The following SMARCD3 variants were observed in gnomAD, a reference collection of about 807,000 sequenced individuals.
SMARCD3 encodes SWI/SNF related BAF chromatin remodeling complex subunit D3.
Under a neutral mutation model 58.0 loss-of-function variants are expected in SMARCD3, and 14 were observed. That is an observed-to-expected ratio of 0.24 (90% CI 0.16 to 0.38). The LOEUF (loss-of-function observed/expected upper bound fraction) is 0.38, where lower values mean the gene tolerates loss of function less well. Among genes scored for constraint, SMARCD3 ranks in the 10% least tolerant of loss-of-function variants. The pLI, the probability that SMARCD3 is intolerant of heterozygous loss-of-function variation, is 1.00. For synonymous variants in SMARCD3, 253 were observed against 253.8 expected (o/e 1.00, Z 0.03); for missense variants, 408 against 636.9 (o/e 0.64, Z 3.87).
rs775533873 is a variant in SMARCD3, at chr7:151,242,562, G to A, written c.498C>T (p.Asn166=). 1.9e-6 allele frequency: 3 copies of A among 1,614,130 alleles called. No individual in the cohort carries two copies. The highest frequency in any genetic ancestry group is 2.2e-5 in the South Asian group (2 of 91,080). ...KLRLYISNTF[N]PAKPDAEDSD... ...AATCCTCAGCATCAGGCTTCGCAGG[G>A]TTAAAAGTGTTGGAGATATAGAGTC... Residue 166 remains asparagine, a synonymous_variant, in exon 5 of 13, where the codon AAC becomes AAT. Coordinates refer to ENST00000262188, the MANE Select transcript of SMARCD3 (RefSeq NM_001003801.2). The surrounding 1 kb of genome is among the most constrained non-coding windows in gnomAD (Gnocchi z 4.7).
Position 151,242,765 on chromosome 7 carries a change from G to C in SMARCD3, c.412C>G (p.Arg138Gly). Residue 138 changes from arginine to glycine, a missense_variant, in exon 4 of 13, where the codon CGG becomes GGG. By Grantham distance (125) the Arg-to-Gly change is moderately radical. This residue lies in a region of SMARCD3 where 128 missense variants were observed against 188.8 expected (regional missense o/e 0.68). Coordinates refer to ENST00000262188, the MANE Select transcript of SMARCD3 (RefSeq NM_001003801.2). The surrounding 1 kb of genome is among the most constrained non-coding windows in gnomAD (Gnocchi z 4.7). ...GCCTCCTGGATGTCCACCCGCTTCCGCATGATGGTTTGATCCAGTTTCCTC... is the reference window on the plus strand; with the variant it reads ...GCCTCCTGGATGTCCACCCGCTTCCCCATGATGGTTTGATCCAGTTTCCTC... ...FERKLDQTIM[R>G]KRVDIQEALK... 1 of 1,614,060 alleles carries C rather than the reference G, an allele frequency of 6.2e-7. No homozygotes were observed. Among genetic ancestry groups the C allele is most frequent in the Non-Finnish European group, 8.5e-7 (1 of 1,179,982 alleles).
chr7:151,247,512 G>T (rs1350141413), intron 1 of SMARCD3, among the ~76,000 whole-genome samples: 1 of 152,056 alleles, frequency 6.6e-6, no homozygotes, highest in African/African-American at 2.4e-5. Flanking sequence ...AGCTGTGCCC[G>T]CCACCAGCCC....
intron 2 of SMARCD3, among the ~76,000 whole-genome samples, chr7:151,255,583 C>T (rs1803673171): frequency 6.6e-6 from 1 of 152,188 alleles, no homozygotes; most frequent in South Asian, 2.1e-4. Context: ...CAGCGATCCT[C>T]CCTGTTCCCT....
chr7:151,273,909 C>T (rs185281032), intron 2 of SMARCD3, among the ~76,000 whole-genome samples: 1,671 of 152,334 alleles, frequency 0.011, 16 homozygotes, highest in Non-Finnish European at 0.016. Flanking sequence ...TGAAGGGGAA[C>T]GGGGCTGTCC....
At chr7:151,263,682 C>T (rs1240556985) in intron 2 of SMARCD3, among the ~76,000 whole-genome samples, 2 of 152,184 alleles carry the variant, frequency 1.3e-5, no homozygotes, top group Non-Finnish European at 1.5e-5. Flanking sequence ...TCTCTCAGGC[C>T]CACTGGTCTC....
Position 151,238,824 on chromosome 7 carries a change from T to G in SMARCD3, c.*279A>C. On this transcript the variant is annotated 3_prime_UTR_variant, in exon 13 of 13. Transcript: ENST00000262188. ...TTATTAAACATGTCTTCTGCCAAAC[T>G]GTTTTTAGGTCTAGGGAAAATTGAG... 6.6e-7 allele frequency: 1 copy of G among 1,525,858 alleles called. No homozygotes were observed. The highest frequency in any genetic ancestry group is 8.8e-7 in the Non-Finnish European group (1 of 1,136,466). The allele number at this position is 1,525,858 out of a possible 1,614,324, so 94.5% of individuals were successfully genotyped here.
In SMARCD3 at chr7:151,246,608, A is replaced by G. The variant is rs1803279256; in HGVS notation, c.79-937T>C. On this transcript the variant is annotated intron_variant, in intron 1 of 12. Transcript: ENST00000262188. The surrounding 1 kb of genome is among the most constrained non-coding windows in gnomAD (Gnocchi z 4.4). ...TCAGCAGCCACCTCCTCCTCTTCCC[A>G]TCCCCACCCCAGTGAGGTCAGCAGT... Among the ~76,000 whole-genome samples, 1 of 151,986 alleles carries G rather than the reference A, an allele frequency of 6.6e-6. No individual in the cohort carries two copies. Among genetic ancestry groups the G allele is most frequent in the African/African-American group, 2.4e-5 (1 of 41,388 alleles).
chr7:151,252,492 A>G (rs1387154963), upstream of SMARCD3, among the ~76,000 whole-genome samples: 3 of 151,094 alleles, frequency 2.0e-5, no homozygotes, highest in Non-Finnish European at 4.4e-5. Flanking sequence ...GAGAGAAAGA[A>G]AGAGAGAGGG....
chr7:151,277,111 G>T (rs1415471679), upstream of SMARCD3: 1 of 150,392 alleles, frequency 6.6e-6, no homozygotes, highest in African/African-American at 2.4e-5. Flanking sequence ...GAGCGCGGCC[G>T]CCCGCTCCCT....
At position 151,246,874 on chromosome 7, in the gene SMARCD3, G is replaced by A. The variant is rs1484661980; in HGVS notation, c.79-1203C>T. On this transcript the variant is annotated intron_variant, in intron 1 of 12. Coordinates refer to ENST00000262188, the MANE Select transcript of SMARCD3 (RefSeq NM_001003801.2). The surrounding 1 kb of genome is among the most constrained non-coding windows in gnomAD (Gnocchi z 4.4). Reference sequence around the variant, plus strand: ...CCACGAAAGCAGGAAGAAGATCAGAGGGCAGGGGATGCAGACCCTGGCACT... The same window carrying A: ...CCACGAAAGCAGGAAGAAGATCAGAAGGCAGGGGATGCAGACCCTGGCACT... Among the ~76,000 whole-genome samples, 1 of 152,094 alleles carries A rather than the reference G, an allele frequency of 6.6e-6. No individual in the cohort carries two copies. The highest frequency in any genetic ancestry group is 6.5e-5 in the Admixed American group (1 of 15,268).
At chr7:151,260,315 TA>T (rs1803875480) in intron 2 of SMARCD3, among the ~76,000 whole-genome samples, 1 of 152,156 alleles carries the variant, frequency 6.6e-6, no homozygotes, top group Non-Finnish European at 1.5e-5. Context: ...CCTGCAGAGC[TA>T]AGCTGAATTA....
intron 2 of SMARCD3, among the ~76,000 whole-genome samples, chr7:151,266,038 C>T (rs1804068607): frequency 6.6e-6 from 1 of 152,110 alleles, no homozygotes; most frequent in African/African-American, 2.4e-5. Context: ...GGCGTGATCT[C>T]GGCTCACGGC....
In SMARCD3 at chr7:151,242,756, C is replaced by T; in HGVS notation, c.421G>A (p.Val141Met). 2 of 1,614,120 alleles carry T rather than the reference C, an allele frequency of 1.2e-6. No homozygotes were observed. Among genetic ancestry groups the T allele is most frequent in the Non-Finnish European group, 1.7e-6 (2 of 1,180,014 alleles). ...CTCTTCAGAGCCTCCTGGATGTCCACCCGCTTCCGCATGATGGTTTGATCC... is the reference window on the plus strand; with the variant it reads ...CTCTTCAGAGCCTCCTGGATGTCCATCCGCTTCCGCATGATGGTTTGATCC... ...KLDQTIMRKR[V>M]DIQEALKRPM... The change falls in exon 4 of 13, where the codon GTG (valine) becomes ATG (methionine). Residue 141 changes from valine to methionine, a missense_variant. This residue lies in a region of SMARCD3 where 128 missense variants were observed against 188.8 expected (regional missense o/e 0.68). Coordinates refer to ENST00000262188, the MANE Select transcript of SMARCD3 (RefSeq NM_001003801.2). This position sits in a 1 kb window ranked among gnomAD's most constrained non-coding sequence, Gnocchi z 4.7.
chr7:151,270,146 C>A (rs897844645), intron 2 of SMARCD3, among the ~76,000 whole-genome samples: 1 of 152,138 alleles, frequency 6.6e-6, no homozygotes, highest in African/African-American at 2.4e-5. Context: ...AAAAGGCAAA[C>A]CCAAGGTCAG....
At position 151,241,588 on chromosome 7, in the gene SMARCD3, T is replaced by C; in HGVS notation, c.843A>G (p.Ser281=). 6.2e-7 allele frequency: 1 copy of C among 1,611,340 alleles called. No homozygotes were observed. The highest frequency in any genetic ancestry group is 8.5e-7 in the Non-Finnish European group (1 of 1,178,760). ...ACTGCCACAGGGCCTGGACAATGGC[T>C]GAGCGGCTCTGTGTGTGCAGCCCCA... ...RLLGLHTQSR[S]AIVQALWQYV... is the part of the protein sequence containing the mutation. The change falls in exon 8 of 13, where the codon TCA becomes TCG. Residue 281 remains serine, a synonymous_variant. Coordinates refer to ENST00000262188, the MANE Select transcript of SMARCD3 (RefSeq NM_001003801.2). This position sits in a 1 kb window ranked among gnomAD's most constrained non-coding sequence, Gnocchi z 5.3.
chr7:151,262,223 G>C (rs1803939945), intron 2 of SMARCD3, among the ~76,000 whole-genome samples: 1 of 152,116 alleles, frequency 6.6e-6, no homozygotes, highest in Admixed American at 6.5e-5. Context: ...TGGGACTACA[G>C]GCACATGCCA....
chr7:151,241,418 C>T lies in SMARCD3; in HGVS notation c.939+74G>A. ...ATCTAGAAGGGAGGGGTGGTAGTTA[C>T]CTTGGTAGAGGTACTTCCCCTGCTG... On this transcript the variant is annotated intron_variant, in intron 8 of 12. Coordinates refer to ENST00000262188, the MANE Select transcript of SMARCD3 (RefSeq NM_001003801.2). This position sits in a 1 kb window ranked among gnomAD's most constrained non-coding sequence, Gnocchi z 5.3. 7.6e-7 allele frequency: 1 copy of T among 1,319,340 alleles called. No homozygotes were observed. The highest frequency in any genetic ancestry group is 1.1e-6 in the Non-Finnish European group (1 of 929,668). The allele number at this position is 1,319,340 out of a possible 1,614,324, so 81.7% of individuals were successfully genotyped here.
chr7:151,259,220 C>T (rs1452841560), intron 2 of SMARCD3, among the ~76,000 whole-genome samples: 3 of 151,696 alleles, frequency 2.0e-5, no homozygotes, highest in African/African-American at 4.8e-5. Flanking sequence ...GGCGTGGTGG[C>T]GGGCACCTGT....
intron 2 of SMARCD3, among the ~76,000 whole-genome samples, chr7:151,259,073 C>T (rs553750370): frequency 2.9e-4 from 44 of 152,144 alleles, no homozygotes; most frequent in East Asian, 5.8e-4. Context: ...AGCTCCAGGC[C>T]GGGTGCAGTG....
Sources: allele counts gnomAD v4.1 joint callset (sites outside exome capture counted in the v4.1 genomes callset), GRCh38; gene constraint gnomAD v4.1.1; regional missense constraint gnomAD v4.1.1; non-coding constraint Gnocchi (gnomAD v3.1); transcripts MANE v1.5; gene names NCBI Gene and HGNC (gene_info 2026-07-23, HGNC 2026-07-21).